The following CNIH3 variants were observed in gnomAD, a reference collection of about 807,000 sequenced individuals.
CNIH3 encodes the protein cornichon family AMPA receptor auxiliary protein 3, also known as protein cornichon homolog 3.
In CNIH3, 14 loss-of-function variants were observed where a neutral mutation model predicts 24.1. The observed-to-expected ratio is 0.58, with a 90% CI of 0.38 to 0.91. The LOEUF (loss-of-function observed/expected upper bound fraction) is 0.91. CNIH3 is among the 40% of genes least tolerant of loss of function. The probability of loss-of-function intolerance (pLI) is 0.00; values close to 1 mark genes in which losing one functional copy is unlikely to be tolerated. For missense variants in CNIH3, 178 were observed against 196.8 expected, an observed-to-expected ratio of 0.90 and a Z score of 0.57; for synonymous variants, 68 against 73.8, an observed-to-expected ratio of 0.92 and a Z score of 0.40.
At chr1:224,449,799 C>T (rs1248571759) in intron 1 of CNIH3, among the ~76,000 whole-genome samples, 1 of 152,116 alleles carries the variant, frequency 6.6e-6, no homozygotes, top group Non-Finnish European at 1.5e-5. Flanking sequence ...TAAGAACTGG[C>T]CAATACCTGT....
chr1:224,481,693 G>C (rs1286842538), intron 1 of CNIH3, among the ~76,000 whole-genome samples: 2 of 152,198 alleles, frequency 1.3e-5, no homozygotes, highest in African/African-American at 4.8e-5. Context: ...ATTGCACTGG[G>C]TCAAACTTGA....
intron 1 of CNIH3, among the ~76,000 whole-genome samples, chr1:224,647,451 C>T (rs559235087): frequency 1.3e-5 from 2 of 152,224 alleles, no homozygotes; most frequent in Non-Finnish European, 1.5e-5. Flanking sequence ...TGACCACCCC[C>T]CTGCCTGGGC....
intron 1 of CNIH3, 131 bp downstream of exon 1, chr1:224,617,386 G>A: frequency 9.9e-7 from 1 of 1,011,526 alleles, no homozygotes; most frequent in African/African-American, 1.6e-5. Context: ...CCACTGTCCC[G>A]GGGCAGGAGG....
chr1:224,457,818 A>G (rs995221619), intron 1 of CNIH3, among the ~76,000 whole-genome samples: 1 of 152,330 alleles, frequency 6.6e-6, no homozygotes, highest in Admixed American at 6.5e-5. Context: ...CATTTTATAA[A>G]TTAGTGATTA....
At chr1:224,734,490 A>G in intron 4 of CNIH3, 73 bp from the exon 5 acceptor site, 1 of 1,500,032 alleles carries the variant, frequency 6.7e-7, no homozygotes, top group Admixed American at 1.7e-5. Context: ...GAAGCCCTGC[A>G]TCGGAAGGGT....
intron 1 of CNIH3, among the ~76,000 whole-genome samples, chr1:224,654,510 C>A (rs1056548763): frequency 6.6e-6 from 1 of 152,120 alleles, no homozygotes; most frequent in South Asian, 2.1e-4. Context: ...CTTTTTCTTC[C>A]TTTCTTTGGT....
chr1:224,573,456 A>G (rs555804745), intron 4 of CNIH3, among the ~76,000 whole-genome samples: 7 of 152,190 alleles, frequency 4.6e-5, no homozygotes, highest in Non-Finnish European at 8.8e-5. Context: ...CTAAGCTGGA[A>G]TTTAGGCAGT....
chr1:224,437,226 G>A (rs1291852281), intron 1 of CNIH3, among the ~76,000 whole-genome samples: 2 of 152,042 alleles, frequency 1.3e-5, no homozygotes, highest in African/African-American at 4.8e-5. Context: ...AAAGGTCCAA[G>A]TTATCTTTTA....
intron 3 of CNIH3, among the ~76,000 whole-genome samples, chr1:224,609,072 A>G (rs545324841): frequency 1.3e-5 from 2 of 152,250 alleles, no homozygotes; most frequent in East Asian, 3.9e-4. Context: ...GTTAACAATC[A>G]CCTGACCATG....
At chr1:224,536,401 C>T (rs1231997186) in intron 2 of CNIH3, among the ~76,000 whole-genome samples, 3 of 149,364 alleles carry the variant, frequency 2.0e-5, no homozygotes, top group Admixed American at 1.3e-4. Flanking sequence ...AAGCGATTCT[C>T]CTGCCTCAGC....
chr1:224,585,897 A>G (rs1681487467), intron 5 of CNIH3, among the ~76,000 whole-genome samples: 5 of 152,344 alleles, frequency 3.3e-5, no homozygotes, highest in African/African-American at 7.2e-5. Context: ...TCCAAACTAG[A>G]TTAGATTTTT....
intron 1 of CNIH3, among the ~76,000 whole-genome samples, chr1:224,646,463 T>C (rs1251742809): frequency 6.6e-6 from 1 of 152,234 alleles, no homozygotes; most frequent in African/African-American, 2.4e-5. Flanking sequence ...TGGAGTGCAG[T>C]GGCACAGTCG....
At chr1:224,511,831 G>A (rs901689343), upstream of CNIH3, among the ~76,000 whole-genome samples, 1 of 151,866 alleles carries the variant, frequency 6.6e-6, no homozygotes, top group Non-Finnish European at 1.5e-5. Context: ...TCCAACCTGG[G>A]TGACAGGACA....
chr1:224,441,790 T>A (rs1674926805), intron 1 of CNIH3, among the ~76,000 whole-genome samples: 1 of 152,186 alleles, frequency 6.6e-6, no homozygotes, highest in Non-Finnish European at 1.5e-5. Flanking sequence ...AGTTAATTGT[T>A]ATTTTTTAAA....
chr1:224,605,478 G>C (rs1353403351), intron 3 of CNIH3, among the ~76,000 whole-genome samples: 1 of 152,170 alleles, frequency 6.6e-6, no homozygotes, highest in Non-Finnish European at 1.5e-5. Flanking sequence ...AAACTAAACT[G>C]TCCTTGTAAA....
intron 4 of CNIH3, among the ~76,000 whole-genome samples, chr1:224,576,480 C>T (rs1030364430): frequency 6.6e-6 from 1 of 152,118 alleles, no homozygotes; most frequent in African/African-American, 2.4e-5. Context: ...GCTTGTCTTG[C>T]TCTTTCTTGA....
At chr1:224,438,125 C>T (rs35303987) in intron 1 of CNIH3, among the ~76,000 whole-genome samples, 27,255 of 151,840 alleles carry the variant, frequency 0.18, 2,725 homozygotes, top group Middle Eastern at 0.23. Flanking sequence ...GGGGTTTCAC[C>T]GTGTTAGCCA....
intron 3 of CNIH3, among the ~76,000 whole-genome samples, chr1:224,594,095 T>C (rs1681875487): frequency 6.6e-6 from 1 of 152,200 alleles, no homozygotes; most frequent in African/African-American, 2.4e-5. Context: ...TGCACAACAG[T>C]GTAAGTGTAA....
At chr1:224,551,721 C>A (rs1324584560) in intron 3 of CNIH3, among the ~76,000 whole-genome samples, 1 of 151,492 alleles carries the variant, frequency 6.6e-6, no homozygotes, top group African/African-American at 2.4e-5. Context: ...AGTATATCGC[C>A]CTTAGATATT....
Sources: gnomAD v4.1 joint callset for allele counts (sites outside exome capture counted in the v4.1 genomes callset) on GRCh38, gnomAD v4.1.1 for gene constraint, MANE v1.5 for transcripts, NCBI Gene and HGNC (gene_info 2026-07-23, HGNC 2026-07-21) for gene names.